Variants in SPTBN2 observed in about 807,000 individuals in gnomAD.
SPTBN2 encodes spectrin beta, non-erythrocytic 2, also known as spectrin beta chain, non-erythrocytic 2.
A neutral mutation model predicts 284.2 loss-of-function variants in SPTBN2; 107 were observed. The ratio of observed to expected loss-of-function variants is 0.38; its 90% CI spans 0.32 to 0.44. SPTBN2 has a LOEUF of 0.44. Ranked by LOEUF, SPTBN2 falls within the 20% of genes least tolerant of loss-of-function variation. The pLI is 1.00. For missense variants in SPTBN2, 2,569 were observed against 3,287.1 expected, an observed-to-expected ratio of 0.78 and a Z score of 5.34; for synonymous variants, 1,289 against 1,354.8, an observed-to-expected ratio of 0.95 and a Z score of 1.07.
chr11:66,686,010 G>A lies in SPTBN2; in HGVS notation c.7034C>T (p.Thr2345Ile), dbSNP rs770261235. 1.2e-6 allele frequency: 2 copies of A among 1,613,768 alleles called. No homozygotes were observed. Among genetic ancestry groups the A allele is most frequent in the East Asian group, 2.2e-5 (1 of 44,884 alleles). ...GEPEEPVVPS[T>I]TRGMTRAMTM... ...CATGGCCCGGGTCATGCCCCGGGTGGTGCTGGGCACCACCGGCTCTTCAGG... is the reference window on the plus strand; with the variant it reads ...CATGGCCCGGGTCATGCCCCGGGTGATGCTGGGCACCACCGGCTCTTCAGG... Residue 2345 changes from threonine (T) to isoleucine (I), a missense_variant, in exon 38 of 38, where the codon ACC becomes ATC. By Grantham distance (89) the Thr-to-Ile change is moderately conservative. Coordinates refer to ENST00000533211, the MANE Select transcript of SPTBN2 (RefSeq NM_006946.4).
intron 1 of SPTBN2, among the ~76,000 whole-genome samples, chr11:66,726,157 T>C (rs1942615677): frequency 6.6e-6 from 1 of 151,054 alleles, no homozygotes; most frequent in African/African-American, 2.5e-5. Flanking sequence ...CTATAATTCA[T>C]TTTTTTTGGC....
In SPTBN2 at chr11:66,707,404, G is replaced by T; in HGVS notation, c.1653+112C>A. 2 of 1,183,240 alleles carry T rather than the reference G, an allele frequency of 1.7e-6. No individual in the cohort carries two copies. Among genetic ancestry groups the T allele is most frequent in the Non-Finnish European group, 2.4e-6 (2 of 837,148 alleles). The allele number at this position is 1,183,240 out of a possible 1,614,324, so 73.3% of individuals were successfully genotyped here. A position where few individuals can be genotyped will look rare whatever the true frequency, so the allele number is the denominator to read the frequency against. On this transcript the variant is annotated intron_variant, in intron 13 of 37. Coordinates refer to ENST00000533211, the MANE Select transcript of SPTBN2 (RefSeq NM_006946.4). This position sits in a 1 kb window ranked among gnomAD's most constrained non-coding sequence, Gnocchi z 4.9. ...TCCCTGCAACTGGGGACAGGGCCCTGTGCTGGTTCACACTCCACAGAGATC... is the reference window on the plus strand; with the variant it reads ...TCCCTGCAACTGGGGACAGGGCCCTTTGCTGGTTCACACTCCACAGAGATC...
chr11:66,724,498 G>T (rs1005748713), intron 1 of SPTBN2, among the ~76,000 whole-genome samples: 1 of 151,960 alleles, frequency 6.6e-6, no homozygotes, highest in Non-Finnish European at 1.5e-5. Context: ...TATGTTACCT[G>T]CCTGGCCCCA....
intron 1 of SPTBN2, among the ~76,000 whole-genome samples, chr11:66,726,999 G>C (rs1377599849): frequency 2.0e-5 from 3 of 152,192 alleles, no homozygotes; most frequent in African/African-American, 7.2e-5. Flanking sequence ...GAGGAAGTTA[G>C]GAACTGGGCT....
In SPTBN2 at chr11:66,685,963, C is replaced by T. The variant is rs374211174; in HGVS notation, c.7081G>A (p.Val2361Ile). ...RAMTMPPVSP[V>I]GAEGPVVLRS... is the part of the protein sequence containing the mutation. ...AGCACAACAGGCCCCTCAGCCCCGA[C>T]GGGTGACACTGGGGGCATGGTCATG... The change falls in exon 38 of 38, where the codon GTC becomes ATC. Residue 2361 changes from valine (V) to isoleucine (I), a missense_variant. Around this residue, in one of 6 missense-constraint regions of SPTBN2, gnomAD observed 1,130 missense variants for 1,317.3 expected, o/e 0.86. Transcript: ENST00000533211. This position sits in a 1 kb window ranked among gnomAD's most constrained non-coding sequence, Gnocchi z 4.4. 20 of 1,613,748 alleles carry T rather than the reference C, an allele frequency of 1.2e-5. No individual in the cohort carries two copies. Among genetic ancestry groups the T allele is most frequent in the African/African-American group, 4.0e-5 (3 of 74,930 alleles).
chr11:66,701,060 G>A lies in SPTBN2; in HGVS notation c.3039C>T (p.Ala1013=), dbSNP rs757492864. The change falls in exon 17 of 38, where the codon GCC becomes GCT. Residue 1013 remains alanine, a synonymous_variant. Coordinates refer to ENST00000533211, the MANE Select transcript of SPTBN2 (RefSeq NM_006946.4). The part of the protein sequence containing the change: ...GTERDLEAIA[A]RVGELTREAN... ...CCTCTCGAGTCAGTTCGCCCACCCG[G>A]GCGGCGATGGCCTCCAGGTCCCGCT... is the stretch of plus-strand genomic sequence containing the variant. 4 of 1,610,402 alleles carry A rather than the reference G, an allele frequency of 2.5e-6. No individual in the cohort carries two copies. The highest frequency in any genetic ancestry group is 2.7e-5 in the African/African-American group (2 of 74,936).
At position 66,704,548 on chromosome 11, in the gene SPTBN2, C is replaced by A. The variant is rs3741359; in HGVS notation, c.2678+50G>T. ...GACTCACCACCCACATCCTGGCCCC[C>A]CCACCCCCACCTCCCAAGGCTGGTC... On this transcript the variant is annotated intron_variant, in intron 15 of 37. Transcript: ENST00000533211. 4,584 of 1,575,484 alleles carry A rather than the reference C, an allele frequency of 2.9e-3. 233 individuals carry two copies. In the East Asian group the frequency reaches 0.097, roughly 33 times the overall value.
chr11:66,695,511 C>T (rs1281862845), intron 21 of SPTBN2, among the ~76,000 whole-genome samples: 9 of 152,138 alleles, frequency 5.9e-5, no homozygotes, highest in Non-Finnish European at 1.2e-4. Flanking sequence ...CCGGCCACCT[C>T]GGCCTCCCAA....
chr11:66,706,872 T>A (rs1022025861), intron 13 of SPTBN2, among the ~76,000 whole-genome samples: 3 of 152,248 alleles, frequency 2.0e-5, no homozygotes, highest in African/African-American at 4.8e-5. Context: ...CCTCAAGTGA[T>A]CTGCCTGCCT....
rs1290864742 is a variant in SPTBN2, at chr11:66,737,423, C to T, written c.-475+7119G>A. On this transcript the variant is annotated intron_variant, in intron 1 of 37. Transcript: ENST00000611817. ...TCAGGCCAGGTCTGAGCCACTGTGA[C>T]AAGTTAACAATTACACTCCTGGGTA... Among the ~76,000 whole-genome samples the T allele has an allele frequency of 2.6e-5, 4 of 152,246 alleles. No homozygotes were observed. The East Asian group carries it at 5.8e-4, about 22-fold the overall frequency.
In SPTBN2 at chr11:66,710,752, C is replaced by T. The variant is rs1250134497; in HGVS notation, c.903G>A (p.Met301Ile). 2 of 1,614,074 alleles carry T rather than the reference C, an allele frequency of 1.2e-6. No homozygotes were observed. Among genetic ancestry groups the T allele is most frequent in the Non-Finnish European group, 1.7e-6 (2 of 1,180,036 alleles). Reference sequence around the variant, plus strand: ...ATTTCTCCACCAGGCGCTCTGCCTCCATGGCATGGTCCAGCACCTGGGAGG... The same window carrying T: ...ATTTCTCCACCAGGCGCTCTGCCTCTATGGCATGGTCCAGCACCTGGGAGG... ...KRIGKVLDHAMEAERLVEKYE... is the reference protein window; with the variant it reads ...KRIGKVLDHAIEAERLVEKYE... The change falls in exon 10 of 38, where the codon ATG becomes ATA. Residue 301 changes from methionine (M) to isoleucine (I), a missense_variant. By Grantham distance (10) the Met-to-Ile change is conservative (BLOSUM62 1). This residue lies in a region of SPTBN2 where 304 missense variants were observed against 522.1 expected (regional missense o/e 0.58). Coordinates refer to ENST00000533211, the MANE Select transcript of SPTBN2 (RefSeq NM_006946.4). The surrounding 1 kb of genome is among the most constrained non-coding windows in gnomAD (Gnocchi z 4.9).
rs190836471 is a variant in SPTBN2 at position 66,721,681 on chromosome 11, T to G, written c.-113-241A>C. ...TGACTAGAAAGTGGCATTCTTTCCT[T>G]CTACAAACTGTTTTGAGCCCATGAT... is the stretch of plus-strand genomic sequence containing the variant. On this transcript the variant is annotated intron_variant, in intron 1 of 37. Transcript: ENST00000533211. Among the ~76,000 whole-genome samples, 475 of 152,268 alleles carry G rather than the reference T, an allele frequency of 3.1e-3. 1 individual carries two copies. Among genetic ancestry groups the G allele is most frequent in the Non-Finnish European group, 5.8e-3 (394 of 68,018 alleles).
intron 1 of SPTBN2, among the ~76,000 whole-genome samples, chr11:66,739,044 C>T (rs1327853667): frequency 6.6e-6 from 1 of 151,604 alleles, no homozygotes; most frequent in African/African-American, 2.4e-5. Context: ...CGAGCTCAAG[C>T]GATCTGCCCA....
rs1423969115 is a variant in SPTBN2 at position 66,705,843 on chromosome 11, A to G, written c.1654-6T>C. 9 of 1,611,938 alleles carry G rather than the reference A, an allele frequency of 5.6e-6. No homozygotes were observed. In the South Asian group the frequency reaches 8.8e-5, roughly 16 times the overall value. On this transcript the variant is annotated splice_polypyrimidine_tract_variant and splice_region_variant and intron_variant, in intron 13 of 37. Coordinates refer to ENST00000533211, the MANE Select transcript of SPTBN2 (RefSeq NM_006946.4). ...TCCTGAGACTGCAGCCGGCCCTGCC[A>G]GGCACACATGAAGTGCACATGCCCG...
chr11:66,701,093 G>A lies in SPTBN2; in HGVS notation c.3006C>T (p.Ala1002=), dbSNP rs371555938. The A allele has an allele frequency of 2.9e-5, 46 of 1,612,462 alleles. No homozygotes were observed. The highest frequency in any genetic ancestry group is 1.6e-4 in the Middle Eastern group (1 of 6,074). ...AGVLALQRKL[A]GTERDLEAIA... ...TGGCCTCCAGGTCCCGCTCCGTGCC[G>A]GCCAGCTTGCGCTGCAGGGCCAGCA... The change falls in exon 17 of 38, where the codon GCC becomes GCT. Residue 1002 remains alanine (A), a synonymous_variant. Transcript: ENST00000533211.
rs746140592 is a variant in SPTBN2, at chr11:66,708,200, C to T, written c.1291G>A (p.Asp431Asn). The part of the protein sequence containing the change: ...EKLEQLAARF[D>N]RKAAMRETWL... Reference sequence around the variant, plus strand: ...GTCTCCCGCATGGCAGCCTTGCGGTCGAAGCGGGCGGCCAGCTGCTCCAGC... The same window carrying T: ...GTCTCCCGCATGGCAGCCTTGCGGTTGAAGCGGGCGGCCAGCTGCTCCAGC... Residue 431 changes from aspartate to asparagine, a missense_variant, in exon 12 of 38, where the codon GAC becomes AAC. Coordinates refer to ENST00000533211, the MANE Select transcript of SPTBN2 (RefSeq NM_006946.4). This position sits in a 1 kb window ranked among gnomAD's most constrained non-coding sequence, Gnocchi z 4.4. The T allele has an allele frequency of 1.6e-5, 26 of 1,611,982 alleles. No homozygotes were observed. Among genetic ancestry groups the T allele is most frequent in the African/African-American group, 1.5e-4 (11 of 74,918 alleles).
chr11:66,689,056 C>T (rs1427859027), intron 30 of SPTBN2, 40 bp downstream of exon 30: 1 of 1,576,586 alleles, frequency 6.3e-7, no homozygotes, highest in South Asian at 1.1e-5. Context: ...CAGGATGCCC[C>T]CCACTCCCCA....
At position 66,687,814 on chromosome 11, in the gene SPTBN2, C is replaced by G. The variant is rs753131856; in HGVS notation, c.6501+54G>C. The G allele has an allele frequency of 7.4e-5, 119 of 1,612,016 alleles. No individual in the cohort carries two copies. The highest frequency in any genetic ancestry group is 3.3e-4 in the Middle Eastern group (2 of 6,054). On this transcript the variant is annotated intron_variant, in intron 34 of 37. Coordinates refer to ENST00000533211, the MANE Select transcript of SPTBN2 (RefSeq NM_006946.4). The surrounding 1 kb of genome is among the most constrained non-coding windows in gnomAD (Gnocchi z 5.2). ...ACTCCCCCACCCGCACTCACCACCC[C>G]CTCTGGACCCTTCGCCTCACAGTTA... is the stretch of plus-strand genomic sequence containing the variant.
rs889276967 is a variant in SPTBN2, at chr11:66,687,318, A to G, written c.6722+109T>C. ...TCCCCTGAGGCCCCGCTCTGGTCCC[A>G]AGTCCTACCCTTTGCCCAGAAGATG... On this transcript the variant is annotated intron_variant, in intron 35 of 37. Transcript: ENST00000533211. This position sits in a 1 kb window ranked among gnomAD's most constrained non-coding sequence, Gnocchi z 5.2. The G allele has an allele frequency of 8.3e-5, 129 of 1,556,218 alleles. No individual in the cohort carries two copies. The highest frequency in any genetic ancestry group is 2.0e-4 in the Middle Eastern group (1 of 5,068).
Sources: allele counts gnomAD v4.1 joint callset (sites outside exome capture counted in the v4.1 genomes callset), GRCh38; gene constraint gnomAD v4.1.1; regional missense constraint gnomAD v4.1.1; non-coding constraint Gnocchi (gnomAD v3.1); transcripts MANE v1.5; gene names NCBI Gene and HGNC (gene_info 2026-07-23, HGNC 2026-07-21).